The following VPS13B variants were observed in gnomAD, a reference collection of about 807,000 sequenced individuals.
VPS13B encodes the protein vacuolar protein sorting 13 homolog B.
In VPS13B, 285 loss-of-function variants were observed where a neutral mutation model predicts 426.4. That is an observed-to-expected ratio of 0.67 (90% confidence interval 0.61 to 0.74). The LOEUF (loss-of-function observed/expected upper bound fraction) is 0.74, where lower values mean the gene tolerates loss of function less well. Among genes scored for constraint, VPS13B ranks in the 30% least tolerant of loss-of-function variants. The pLI is 0.00. For synonymous variants in VPS13B, 1,676 were observed against 1,676.4 expected, an observed-to-expected ratio of 1.00 and a Z score of 0.01; for missense variants, 4,537 against 4,782.6, an observed-to-expected ratio of 0.95 and a Z score of 1.51.
chr8:99,425,375 G>T (rs929089913), intron 21 of VPS13B, among the ~76,000 whole-genome samples: 1 of 152,142 alleles, frequency 6.6e-6, no homozygotes, highest in Non-Finnish European at 1.5e-5. Flanking sequence ...CCATGATCAA[G>T]TGGGCTTCAT....
intron 31 of VPS13B, among the ~76,000 whole-genome samples, chr8:99,568,440 G>C (rs1176961834): frequency 1.3e-5 from 2 of 151,766 alleles, no homozygotes; most frequent in African/African-American, 2.4e-5. Context: ...ACAGGCCCAC[G>C]CCACCACGCC....
At chr8:99,308,383 A>G (rs978817511) in intron 19 of VPS13B, among the ~76,000 whole-genome samples, 4 of 151,784 alleles carry the variant, frequency 2.6e-5, no homozygotes, top group Non-Finnish European at 4.4e-5. Context: ...CCTGTGTCCA[A>G]GTGTTCTCAT....
chr8:99,266,737 C>T (rs1183861851), intron 17 of VPS13B, among the ~76,000 whole-genome samples: 1 of 152,110 alleles, frequency 6.6e-6, no homozygotes, highest in Non-Finnish European at 1.5e-5. Context: ...CTCAGGAGAT[C>T]TGATAGTTTT....
chr8:99,055,277 C>T (rs377092107), intron 3 of VPS13B, among the ~76,000 whole-genome samples: 113 of 152,218 alleles, frequency 7.4e-4, no homozygotes, highest in African/African-American at 2.6e-3. Flanking sequence ...GAGCTTAAAG[C>T]AATCTGCCTG....
chr8:99,501,124 T>C (rs1169551433), intron 25 of VPS13B, among the ~76,000 whole-genome samples: 1 of 152,234 alleles, frequency 6.6e-6, no homozygotes, highest in Non-Finnish European at 1.5e-5. Context: ...ATGATTAATA[T>C]TTTGCTGTTT....
At chr8:99,580,789 C>T (rs1165212333) in intron 33 of VPS13B, among the ~76,000 whole-genome samples, 4 of 151,730 alleles carry the variant, frequency 2.6e-5, no homozygotes, top group Non-Finnish European at 2.9e-5. Context: ...GAGGTCAAGG[C>T]TGAAGTGAGG....
chr8:99,593,903 A>G (rs1421489676), intron 33 of VPS13B, among the ~76,000 whole-genome samples: 2 of 151,888 alleles, frequency 1.3e-5, no homozygotes, highest in African/African-American at 2.4e-5. Flanking sequence ...ACTGAGGTCC[A>G]TGGGTGGAGG....
In VPS13B at chr8:99,351,164, A is replaced by G. The variant is rs189309890; in HGVS notation, c.2825-33044A>G. On this transcript the variant is annotated intron_variant, in intron 19 of 61. Coordinates refer to ENST00000357162, the MANE Select transcript of VPS13B (RefSeq NM_152564.5). ...CTGAAATAAGGCCATTTGCCAACAA[A>G]TCAGTACCTAAATGTATCTTTTCTC... 2.7e-4 allele frequency among the ~76,000 whole-genome samples: 41 copies of G among 152,320 alleles called. No homozygotes were observed. The East Asian group carries it at 6.4e-3, about 24-fold the overall frequency.
intron 39 of VPS13B, among the ~76,000 whole-genome samples, chr8:99,733,827 C>T (rs1458791787): frequency 6.6e-6 from 1 of 152,138 alleles, no homozygotes; most frequent in Non-Finnish European, 1.5e-5. Flanking sequence ...TCTTGGTTCT[C>T]TTATGCTTTT....
intron 30 of VPS13B, among the ~76,000 whole-genome samples, chr8:99,532,948 T>G (rs1042547044): frequency 8.7e-5 from 13 of 149,386 alleles, no homozygotes; most frequent in Non-Finnish European, 1.8e-4. Flanking sequence ...GTGTTTTTTT[T>G]TTTTTTTTTG....
intron 33 of VPS13B, among the ~76,000 whole-genome samples, chr8:99,639,328 C>G (rs1188943276): frequency 6.6e-6 from 1 of 151,964 alleles, no homozygotes; most frequent in Non-Finnish European, 1.5e-5. Context: ...AGTGAGAGAA[C>G]AGTTCTTGGA....
chr8:99,624,352 GATTTAGACT>G (rs2133898918), intron 33 of VPS13B, among the ~76,000 whole-genome samples: 1 of 152,178 alleles, frequency 6.6e-6, no homozygotes, highest in Non-Finnish European at 1.5e-5. Context: ...AAAAATATTT[GATTTAGACT>G]GAGCTTGTGG....
At chr8:99,152,649 C>G (rs1199320223) in intron 14 of VPS13B, among the ~76,000 whole-genome samples, 1 of 152,066 alleles carries the variant, frequency 6.6e-6, no homozygotes, top group Non-Finnish European at 1.5e-5. Flanking sequence ...TCACATTTTG[C>G]TTTATTTTTT....
rs148794027 is a variant in VPS13B at position 99,221,431 on chromosome 8, G to T, written c.2515+28374G>T. 6.1e-3 allele frequency among the ~76,000 whole-genome samples: 923 copies of T among 152,162 alleles called. 13 individuals are homozygous for T. The highest frequency in any genetic ancestry group is 0.021 in the African/African-American group (878 of 41,500). On this transcript the variant is annotated intron_variant, in intron 17 of 61. Transcript: ENST00000357162. ...GAAAAGATTTAAAAATACCTAACAG[G>T]TTTCCAATAAGCTATTTGAAGAGGA...
In VPS13B at chr8:99,875,697, G is replaced by C; in HGVS notation, c.*31G>C. 6.2e-7 allele frequency: 1 copy of C among 1,613,944 alleles called. No individual in the cohort carries two copies. Among genetic ancestry groups the C allele is most frequent in the Non-Finnish European group, 8.5e-7 (1 of 1,179,952 alleles). On this transcript the variant is annotated 3_prime_UTR_variant, in exon 62 of 62. Transcript: ENST00000357162. ...CTCTGAGGTGTTTATTCCTGCTTGTGTGATTTAGTTTTTGGGTTTCTTTGA... is the reference window on the plus strand; with the variant it reads ...CTCTGAGGTGTTTATTCCTGCTTGTCTGATTTAGTTTTTGGGTTTCTTTGA...
In VPS13B at chr8:99,552,184, A is replaced by G. The variant is rs539792224; in HGVS notation, c.4746-4266A>G. On this transcript the variant is annotated intron_variant, in intron 30 of 61. Coordinates refer to ENST00000357162, the MANE Select transcript of VPS13B (RefSeq NM_152564.5). ...TTTTTTTTCTCATTTGTAGTTCTAC[A>G]TGGTTCTTTTTAAAGTCTTGTTCCC... is the stretch of plus-strand genomic sequence containing the variant. 2.6e-5 allele frequency among the ~76,000 whole-genome samples: 4 copies of G among 151,952 alleles called. No individual in the cohort carries two copies. The East Asian group carries it at 7.8e-4, about 29-fold the overall frequency.
chr8:99,013,514 C>T (rs1288774599), intron 1 of VPS13B, among the ~76,000 whole-genome samples, 167 bp downstream of exon 1: 2 of 152,320 alleles, frequency 1.3e-5, no homozygotes, highest in East Asian at 1.9e-4. Context: ...TCACTTCATT[C>T]TTCCACTCTG....
At chr8:99,455,185 G>A (rs1232410966) in intron 23 of VPS13B, among the ~76,000 whole-genome samples, 5 of 152,102 alleles carry the variant, frequency 3.3e-5, no homozygotes, top group Admixed American at 3.3e-4. Flanking sequence ...CAAAAAGTCA[G>A]GGTTATCTAG....
chr8:99,343,960 GA>G (rs1588273673), intron 19 of VPS13B, among the ~76,000 whole-genome samples: 1 of 152,092 alleles, frequency 6.6e-6, no homozygotes, highest in Admixed American at 6.5e-5. Context: ...CACAGAAATA[GA>G]AAAAACAATT....
Sources: gnomAD v4.1 joint callset for allele counts (sites outside exome capture counted in the v4.1 genomes callset) on GRCh38, gnomAD v4.1.1 for gene constraint, MANE v1.5 for transcripts, NCBI Gene and HGNC (gene_info 2026-07-23, HGNC 2026-07-21) for gene names.